TBC1D12: variants seen among roughly 807,000 people sequenced by gnomAD.
TBC1D12 encodes the protein TBC1 domain family member 12.
A neutral mutation model predicts 86.7 loss-of-function variants in TBC1D12; 56 were observed. That is an observed-to-expected ratio of 0.65 (90% CI 0.52 to 0.81). The LOEUF (loss-of-function observed/expected upper bound fraction) is 0.81, where lower values mean the gene tolerates loss of function less well. TBC1D12 is among the 30% of genes least tolerant of loss of function. TBC1D12 has a pLI of 0.00. For synonymous variants in TBC1D12, 421 were observed against 411.7 expected (o/e 1.02, Z -0.27); for missense variants, 1,023 against 1,038.8 (o/e 0.98, Z 0.21).
At chr10:94,456,015 T>C (rs1169758051) in intron 2 of TBC1D12, among the ~76,000 whole-genome samples, 1 of 152,212 alleles carries the variant, frequency 6.6e-6, no homozygotes, top group East Asian at 1.9e-4. Context: ...TTGGGCTCTG[T>C]AGTGATGTCT....
intron 11 of TBC1D12, among the ~76,000 whole-genome samples, chr10:94,523,416 ATAGT>A (rs1842207459): frequency 6.6e-6 from 1 of 151,976 alleles, no homozygotes; most frequent in Non-Finnish European, 1.5e-5. Context: ...AGGGCTTATG[ATAGT>A]TATAATAGTG....
chr10:94,481,627 T>G (rs1589647601), intron 3 of TBC1D12, among the ~76,000 whole-genome samples: 1 of 152,202 alleles, frequency 6.6e-6, no homozygotes, highest in Non-Finnish European at 1.5e-5. Flanking sequence ...GCTGGTTTGG[T>G]CTTTTATCTA....
At chr10:94,420,724 C>T (rs1437108556) in intron 1 of TBC1D12, among the ~76,000 whole-genome samples, 2 of 152,136 alleles carry the variant, frequency 1.3e-5, no homozygotes, top group Non-Finnish European at 1.5e-5. Flanking sequence ...CGTAATAGTC[C>T]ATTGCTTGGA....
At chr10:94,492,902 A>G (rs1000316309) in intron 3 of TBC1D12, among the ~76,000 whole-genome samples, 1 of 152,184 alleles carries the variant, frequency 6.6e-6, no homozygotes, top group African/African-American at 2.4e-5. Flanking sequence ...TATATCTGAA[A>G]AAAGTTGACT....
chr10:94,430,831 G>A (rs948343009), intron 1 of TBC1D12, among the ~76,000 whole-genome samples: 3 of 151,998 alleles, frequency 2.0e-5, no homozygotes, highest in Non-Finnish European at 4.4e-5. Flanking sequence ...TCAACTATAT[G>A]TTTTCAACAA....
intron 3 of TBC1D12, among the ~76,000 whole-genome samples, chr10:94,482,396 A>C (rs1279219509): frequency 6.6e-6 from 1 of 151,184 alleles, no homozygotes; most frequent in Non-Finnish European, 1.5e-5. Context: ...GTACAATTAC[A>C]TTATTATTGA....
chr10:94,476,110 ATTCT>A (rs1444030076), intron 3 of TBC1D12, among the ~76,000 whole-genome samples: 1 of 151,854 alleles, frequency 6.6e-6, no homozygotes, highest in Non-Finnish European at 1.5e-5. Context: ...TGGCTAAAGA[ATTCT>A]TTCTCTCTCT....
At chr10:94,518,536 C>T (rs1340467070) in intron 9 of TBC1D12, among the ~76,000 whole-genome samples, 1 of 152,104 alleles carries the variant, frequency 6.6e-6, no homozygotes, top group East Asian at 1.9e-4. Flanking sequence ...CGGAACGACC[C>T]TCAACTTGAA....
intron 2 of TBC1D12, among the ~76,000 whole-genome samples, chr10:94,468,020 A>C (rs1430464225): frequency 6.6e-6 from 1 of 152,222 alleles, no homozygotes; most frequent in African/African-American, 2.4e-5. Context: ...TAGGTCTTCT[A>C]ATTACACATC....
intron 2 of TBC1D12, among the ~76,000 whole-genome samples, chr10:94,467,262 C>T (rs1056710966): frequency 6.6e-6 from 1 of 151,850 alleles, no homozygotes; most frequent in Non-Finnish European, 1.5e-5. Context: ...GACAGAGTTT[C>T]GCTGTTGTTG....
At chr10:94,529,942 A>G (rs868194308) in intron 11 of TBC1D12, among the ~76,000 whole-genome samples, 3 of 152,308 alleles carry the variant, frequency 2.0e-5, no homozygotes, top group Middle Eastern at 3.4e-3. Flanking sequence ...GGTTTTTGTC[A>G]TATGATTAAA....
At chr10:94,435,766 A>G (rs2055285208) in intron 1 of TBC1D12, among the ~76,000 whole-genome samples, 1 of 152,234 alleles carries the variant, frequency 6.6e-6, no homozygotes, top group South Asian at 2.1e-4. Flanking sequence ...GTGAGATTAG[A>G]AGAAAAATTC....
chr10:94,494,661 AG>A lies in TBC1D12; in HGVS notation c.1294+1215del, dbSNP rs551231011. On this transcript the variant is annotated intron_variant, in intron 4 of 12. Coordinates refer to ENST00000225235, the MANE Select transcript of TBC1D12 (RefSeq NM_015188.2). ...CAGGCTCAGGAGATCCTCTCACCTC[AG>A]CCTCCCAAGTAGCTGGGACCATAGG... 3.3e-5 allele frequency among the ~76,000 whole-genome samples: 5 copies of A among 152,134 alleles called. No homozygotes were observed. The South Asian group carries it at 1.0e-3, about 32-fold the overall frequency.
intron 1 of TBC1D12, among the ~76,000 whole-genome samples, chr10:94,423,485 T>C (rs1409960502): frequency 1.3e-5 from 2 of 151,780 alleles, no homozygotes; most frequent in African/African-American, 4.8e-5. Context: ...GTAGCTGGGA[T>C]TACAGGTGCC....
intron 8 of TBC1D12, 89 bp from the exon 9 acceptor site, chr10:94,511,494 G>T: frequency 1.2e-6 from 1 of 819,676 alleles, no homozygotes; most frequent in South Asian, 1.5e-5. Flanking sequence ...AGTCATTTAG[G>T]AAATGCTACA....
intron 1 of TBC1D12, among the ~76,000 whole-genome samples, chr10:94,432,975 C>T (rs1461368805): frequency 6.6e-5 from 10 of 151,854 alleles, no homozygotes; most frequent in Admixed American, 2.6e-4. Flanking sequence ...GAGGCTGAGA[C>T]GGGTGGATCA....
intron 3 of TBC1D12, among the ~76,000 whole-genome samples, chr10:94,486,215 A>G (rs1362829897): frequency 7.1e-6 from 1 of 140,334 alleles, no homozygotes; most frequent in Non-Finnish European, 1.5e-5. Flanking sequence ...TGGCATGAAT[A>G]TGACTTACTG....
intron 4 of TBC1D12, 122 bp downstream of exon 4, chr10:94,493,569 C>CT: frequency 1.3e-6 from 1 of 791,816 alleles, no homozygotes; most frequent in South Asian, 1.9e-5. Flanking sequence ...TTTTTCGTTT[C>CT]TTTTTTGAGT....
At chr10:94,495,526 A>G (rs2134180271) in intron 4 of TBC1D12, among the ~76,000 whole-genome samples, 1 of 152,312 alleles carries the variant, frequency 6.6e-6, no homozygotes, top group Non-Finnish European at 1.5e-5. Context: ...ATGTAAGATA[A>G]CTATTGGTAC....
Sources: allele counts gnomAD v4.1 joint callset (sites outside exome capture counted in the v4.1 genomes callset), GRCh38; gene constraint gnomAD v4.1.1; transcripts MANE v1.5; gene names NCBI Gene and HGNC (gene_info 2026-07-23, HGNC 2026-07-21).